CCDC178: variants seen among roughly 807,000 people sequenced by gnomAD.
CCDC178 encodes the protein coiled-coil domain containing 178.
CCDC178 carries 126 observed loss-of-function variants against 117.4 expected under a neutral mutation model. That is an observed-to-expected ratio of 1.07 (90% CI 0.93 to 1.24). CCDC178 has a LOEUF of 1.24. Among genes scored for constraint, CCDC178 ranks in the 50% most tolerant of loss-of-function variants. The probability of loss-of-function intolerance (pLI) is 0.00; values close to 1 mark genes in which losing one functional copy is unlikely to be tolerated. For synonymous variants in CCDC178, 283 were observed against 313.4 expected (o/e 0.90, Z 1.02); for missense variants, 1,030 against 986.9 (o/e 1.04, Z -0.59).
intron 20 of CCDC178, among the ~76,000 whole-genome samples, chr18:33,175,183 C>T (rs568399503): frequency 3.9e-5 from 6 of 151,908 alleles, no homozygotes; most frequent in South Asian, 2.1e-4. Flanking sequence ...GCCTCTGTTT[C>T]GCATTATTGT....
intron 2 of CCDC178, among the ~76,000 whole-genome samples, chr18:33,431,074 C>CA (rs368036930): frequency 0.2 from 13,396 of 65,660 alleles, 952 homozygotes; most frequent in East Asian, 0.3. Flanking sequence ...GACTACGTCT[C>CA]AAAAAAAAAA....
chr18:32,991,171 T>C (rs1039778094), intron 21 of CCDC178, among the ~76,000 whole-genome samples: 1 of 152,196 alleles, frequency 6.6e-6, no homozygotes, highest in African/African-American at 2.4e-5. Context: ...CAAGAACAAA[T>C]AATATACTAC....
At chr18:33,239,572 G>C (rs2059462509) in intron 15 of CCDC178, among the ~76,000 whole-genome samples, 1 of 148,732 alleles carries the variant, frequency 6.7e-6, no homozygotes, top group African/African-American at 2.5e-5. Flanking sequence ...ACTTATATCA[G>C]ACAAATCAGA....
intron 14 of CCDC178, among the ~76,000 whole-genome samples, chr18:33,247,409 A>T (rs1383701774): frequency 6.6e-6 from 1 of 151,962 alleles, no homozygotes; most frequent in Non-Finnish European, 1.5e-5. Context: ...TGGGGAAGAC[A>T]ACAAATTTTA....
rs148386846 is a variant in CCDC178 at position 33,081,509 on chromosome 18, G to C, written c.2388+11252C>G. On this transcript the variant is annotated intron_variant, in intron 21 of 22. Transcript: ENST00000383096. ...TTCATATTAGAATCAAAAGATTGCTGTAGCTTGCTTGATTCAAAAAGTCAA... is the reference window on the plus strand; with the variant it reads ...TTCATATTAGAATCAAAAGATTGCTCTAGCTTGCTTGATTCAAAAAGTCAA... Among the ~76,000 whole-genome samples the C allele has an allele frequency of 5.1e-4, 77 of 152,240 alleles. No homozygotes were observed. The East Asian group carries it at 0.01, about 21-fold the overall frequency.
chr18:33,219,908 A>T (rs1453445384), intron 18 of CCDC178, among the ~76,000 whole-genome samples: 2 of 152,084 alleles, frequency 1.3e-5, no homozygotes, highest in Non-Finnish European at 2.9e-5. Flanking sequence ...GTACCCTAGA[A>T]CTTAAAGTAT....
At chr18:33,049,194 A>T (rs1347091416) in intron 21 of CCDC178, among the ~76,000 whole-genome samples, 1 of 152,104 alleles carries the variant, frequency 6.6e-6, no homozygotes, top group African/African-American at 2.4e-5. Context: ...TTTTCAAAAA[A>T]CCCCAACATT....
chr18:33,151,594 A>C (rs1341398680), intron 20 of CCDC178, among the ~76,000 whole-genome samples: 6 of 152,222 alleles, frequency 3.9e-5, no homozygotes, highest in Non-Finnish European at 7.3e-5. Flanking sequence ...AGGATGAAAA[A>C]CAATGTTGAA....
chr18:33,391,868 C>A (rs1261036856), intron 4 of CCDC178, among the ~76,000 whole-genome samples: 3 of 144,836 alleles, frequency 2.1e-5, no homozygotes, highest in Non-Finnish European at 4.6e-5. Flanking sequence ...ACAAATAATT[C>A]TTTTTTTTTT....
intron 20 of CCDC178, among the ~76,000 whole-genome samples, chr18:33,192,001 T>C (rs1359153318): frequency 1.3e-5 from 2 of 152,208 alleles, no homozygotes; most frequent in Admixed American, 6.5e-5. Context: ...TAGAAACTGA[T>C]AATGAATAAA....
chr18:32,940,179 A>C (rs2054206089), intron 22 of CCDC178, among the ~76,000 whole-genome samples: 1 of 152,036 alleles, frequency 6.6e-6, no homozygotes, highest in Non-Finnish European at 1.5e-5. Context: ...AAAATGATTG[A>C]TCCAAGGTCA....
At chr18:33,041,506 G>C (rs2056549051) in intron 21 of CCDC178, among the ~76,000 whole-genome samples, 1 of 150,288 alleles carries the variant, frequency 6.7e-6, no homozygotes, top group South Asian at 2.1e-4. Context: ...TCTATTTTAG[G>C]ATTTCAAAAA....
chr18:33,381,628 A>G lies in CCDC178; in HGVS notation c.208+7912T>C, dbSNP rs748770843. 3.3e-5 allele frequency among the ~76,000 whole-genome samples: 5 copies of G among 152,170 alleles called. 1 individual carries two copies. Among genetic ancestry groups the G allele is most frequent in the Admixed American group, 3.3e-4 (5 of 15,298 alleles). ...TCCTCACCTTTTTTTTCCATATACA[A>G]ATGCATTCTTTAAAATTCATTTCAA... On this transcript the variant is annotated intron_variant, in intron 5 of 22. Transcript: ENST00000383096.
At position 32,989,019 on chromosome 18, in the gene CCDC178, T is replaced by G. The variant is rs114534296; in HGVS notation, c.2389-14338A>C. Among the ~76,000 whole-genome samples, 1,408 of 152,248 alleles carry G rather than the reference T, an allele frequency of 9.2e-3. 22 individuals are homozygous for G. Among genetic ancestry groups the G allele is most frequent in the African/African-American group, 0.033 (1,352 of 41,558 alleles). On this transcript the variant is annotated intron_variant, in intron 21 of 22. Coordinates refer to ENST00000383096, the MANE Select transcript of CCDC178 (RefSeq NM_001105528.4). ...ACTTGGCTCTGAAAGTTTTATAGGA[T>G]AATTTTTCCAAGTTTTAAAGACACA...
chr18:33,221,362 A>G (rs2059231713), intron 18 of CCDC178, among the ~76,000 whole-genome samples: 1 of 152,094 alleles, frequency 6.6e-6, no homozygotes, highest in Non-Finnish European at 1.5e-5. Context: ...CCCAACTGCT[A>G]TATTAAAATA....
chr18:33,039,106 G>T (rs2056499263), intron 21 of CCDC178, among the ~76,000 whole-genome samples: 1 of 151,870 alleles, frequency 6.6e-6, no homozygotes, highest in African/African-American at 2.4e-5. Context: ...TGAACAAAGA[G>T]ACATGAAAAT....
At chr18:33,073,551 CTAT>C (rs2065178636) in intron 21 of CCDC178, among the ~76,000 whole-genome samples, 1 of 106,966 alleles carries the variant, frequency 9.3e-6, no homozygotes, top group Admixed American at 9.2e-5. Flanking sequence ...ATCTATCTAT[CTAT>C]ATATATATCT....
intron 21 of CCDC178, among the ~76,000 whole-genome samples, chr18:32,990,969 A>G (rs954903230): frequency 1.3e-5 from 2 of 151,608 alleles, no homozygotes; most frequent in Non-Finnish European, 2.9e-5. Flanking sequence ...ACTCTTTTAT[A>G]TCAATTATAT....
chr18:33,318,467 A>C (rs73955111), intron 11 of CCDC178, among the ~76,000 whole-genome samples: 8 of 152,174 alleles, frequency 5.3e-5, no homozygotes, highest in South Asian at 2.1e-4. Flanking sequence ...TTAAATAGAT[A>C]ATAAGCCAGA....
Sources: allele counts gnomAD v4.1 joint callset (sites outside exome capture counted in the v4.1 genomes callset), GRCh38; gene constraint gnomAD v4.1.1; transcripts MANE v1.5; gene names NCBI Gene and HGNC (gene_info 2026-07-23, HGNC 2026-07-21).